Variants in CFTR observed in about 807,000 individuals in gnomAD.
The protein encoded by CFTR is cystic fibrosis transmembrane conductance regulator.
Under a neutral mutation model 171.6 loss-of-function variants are expected in CFTR, and 181 were observed. The ratio of observed to expected loss-of-function variants is 1.05; its 90% CI spans 0.93 to 1.19. The LOEUF is 1.19. CFTR is among the 50% of genes most tolerant of loss of function. CFTR has a pLI of 0.00. For missense variants in CFTR, 1,968 were observed against 1,734.7 expected (o/e 1.13, Z -2.39); for synonymous variants, 583 against 608.0 (o/e 0.96, Z 0.60).
intron 23 of CFTR, among the ~76,000 whole-genome samples, chr7:117,643,928 A>T (rs2116173266): frequency 6.6e-6 from 1 of 152,326 alleles, no homozygotes; most frequent in Non-Finnish European, 1.5e-5. Context: ...ACTATGTAGT[A>T]GAGAGGTTTT....
Position 117,551,495 on chromosome 7 carries a change from G to A in CFTR, c.1392+2672G>A, listed in dbSNP as rs907915033. Among the ~76,000 whole-genome samples, 7 of 152,032 alleles carry A rather than the reference G, an allele frequency of 4.6e-5. No individual in the cohort carries two copies. The East Asian group carries it at 7.7e-4, about 17-fold the overall frequency. On this transcript the variant is annotated intron_variant, in intron 10 of 26. Coordinates refer to ENST00000003084, the MANE Select transcript of CFTR (RefSeq NM_000492.4). Reference sequence around the variant, plus strand: ...GTTACTTTACTGATAAAGTAATAACGTTGTTGACTTTTGTCACTCTCCCCT... The same window carrying A: ...GTTACTTTACTGATAAAGTAATAACATTGTTGACTTTTGTCACTCTCCCCT...
intron 1 of CFTR, among the ~76,000 whole-genome samples, chr7:117,497,040 T>C (rs1406304646): frequency 6.6e-6 from 1 of 152,202 alleles, no homozygotes; most frequent in African/African-American, 2.4e-5. Context: ...CTGTTTGTGC[T>C]TCTGGTGTTG....
chr7:117,643,567 G>C lies in CFTR; in HGVS notation c.3873+974G>C, dbSNP rs558434378. ...CTGGTGCTTTTAATTTATTTGTCTA[G>C]ACTTTGTCATGTTGCCAGAAGCTTT... On this transcript the variant is annotated intron_variant, in intron 23 of 26. Coordinates refer to ENST00000003084, the MANE Select transcript of CFTR (RefSeq NM_000492.4). Among the ~76,000 whole-genome samples the C allele has an allele frequency of 2.6e-5, 4 of 152,176 alleles. No individual in the cohort carries two copies. The South Asian group carries it at 8.3e-4, about 32-fold the overall frequency.
intron 24 of CFTR, among the ~76,000 whole-genome samples, chr7:117,657,260 T>G (rs1304161609): frequency 2.0e-5 from 3 of 152,206 alleles, no homozygotes; most frequent in African/African-American, 7.2e-5. Flanking sequence ...ATGCAAAATT[T>G]TTACCTGTTT....
In CFTR at chr7:117,534,347, C is replaced by G; in HGVS notation, c.561C>G (p.Asn187Lys). Residue 187 changes from asparagine to lysine, a missense_variant, in exon 5 of 27, where the codon AAC becomes AAG. Asn to Lys is a moderately conservative substitution (Grantham distance 94). Coordinates refer to ENST00000003084, the MANE Select transcript of CFTR (RefSeq NM_000492.4). Reference sequence around the variant, plus strand: ...AACTTGTTAGTCTCCTTTCCAACAACCTGAACAAATTTGATGAAGTATGTA... The same window carrying G: ...AACTTGTTAGTCTCCTTTCCAACAAGCTGAACAAATTTGATGAAGTATGTA... ...IGQLVSLLSN[N>K]LNKFDEGLAL... 6.3e-7 allele frequency: 1 copy of G among 1,581,686 alleles called. No homozygotes were observed. Among genetic ancestry groups the G allele is most frequent in the South Asian group, 1.1e-5 (1 of 90,412 alleles).
At chr7:117,621,884 T>C (rs962212551) in intron 21 of CFTR, among the ~76,000 whole-genome samples, 1 of 152,214 alleles carries the variant, frequency 6.6e-6, no homozygotes, top group African/African-American at 2.4e-5. Context: ...AGTCTTCCTT[T>C]GCCCATTGAC....
chr7:117,504,488 T>C, intron 2 of CFTR, 125 bp downstream of exon 2: 1 of 650,840 alleles, frequency 1.5e-6, no homozygotes, highest in Non-Finnish European at 2.7e-6. Flanking sequence ...GTATGGTGGC[T>C]AATGCCTGTA....
At chr7:117,600,828 A>G (rs1431336109) in intron 15 of CFTR, among the ~76,000 whole-genome samples, 1 of 152,038 alleles carries the variant, frequency 6.6e-6, no homozygotes, top group Non-Finnish European at 1.5e-5. Flanking sequence ...TTATAACCTC[A>G]AAACATTTTG....
At chr7:117,556,808 C>G (rs999125368) in intron 10 of CFTR, among the ~76,000 whole-genome samples, 3 of 151,586 alleles carry the variant, frequency 2.0e-5, no homozygotes, top group African/African-American at 7.3e-5. Flanking sequence ...CGTGAGCCAC[C>G]GCGCCCGGCC....
At chr7:117,552,657 G>A (rs1227718659) in intron 10 of CFTR, among the ~76,000 whole-genome samples, 1 of 151,966 alleles carries the variant, frequency 6.6e-6, no homozygotes, top group African/African-American at 2.4e-5. Flanking sequence ...AACCAAGGTA[G>A]CCAATCCAGG....
intron 11 of CFTR, among the ~76,000 whole-genome samples, chr7:117,575,835 C>A (rs1791761841): frequency 6.6e-6 from 1 of 152,232 alleles, no homozygotes; most frequent in South Asian, 2.1e-4. Flanking sequence ...CTATTTGCAA[C>A]CTGCAGGTCC....
At chr7:117,520,038 C>A (rs1441027945) in intron 3 of CFTR, among the ~76,000 whole-genome samples, 1 of 151,732 alleles carries the variant, frequency 6.6e-6, no homozygotes. Flanking sequence ...TTTAAAAATG[C>A]CAAGTGAAAA....
chr7:117,612,234 T>TAC (rs112904263), intron 20 of CFTR, among the ~76,000 whole-genome samples: 4,245 of 140,882 alleles, frequency 0.03, 73 homozygotes, highest in Middle Eastern at 0.072. Context: ...CATCCGCATT[T>TAC]ACACACACAC....
At chr7:117,530,478 C>G (rs1211462772) in intron 3 of CFTR, among the ~76,000 whole-genome samples, 1 of 152,010 alleles carries the variant, frequency 6.6e-6, no homozygotes, top group Non-Finnish European at 1.5e-5. Flanking sequence ...AATAATAATG[C>G]CTACTCTGTA....
intron 24 of CFTR, among the ~76,000 whole-genome samples, chr7:117,664,086 TAC>T (rs1454931430): frequency 6.6e-6 from 1 of 152,192 alleles, no homozygotes; most frequent in Non-Finnish European, 1.5e-5. Context: ...ACCTATTTGT[TAC>T]AGTTAGTTTT....
In CFTR at chr7:117,548,650, G is replaced by T. The variant is rs766063304; in HGVS notation, c.1219G>T (p.Glu407Ter). Residue 407 changes from glutamate to a stop codon, truncating the protein, a stop_gained, in exon 10 of 27, where the codon GAA becomes TAA. Coordinates refer to ENST00000003084, the MANE Select transcript of CFTR (RefSeq NM_000492.4). LOFTEE classifies it high-confidence loss of function. ...VTAFWEEGFG[E>*]LFEKAKQNNN... ...TGTGTTTTTTTAACAGGGATTTGGG[G>T]AATTATTTGAGAAAGCAAAACAAAA... The T allele has an allele frequency of 6.2e-7, 1 of 1,612,566 alleles. No individual in the cohort carries two copies. The highest frequency in any genetic ancestry group is 1.1e-5 in the South Asian group (1 of 90,972).
rs2116060994 is a variant in CFTR at position 117,603,526 on chromosome 7, T to C, written c.2658-6T>C. On this transcript the variant is annotated splice_region_variant and splice_polypyrimidine_tract_variant and intron_variant, in intron 16 of 26. Coordinates refer to ENST00000003084, the MANE Select transcript of CFTR (RefSeq NM_000492.4). ...GCCAAATAACGATTTCCTATTTGCT[T>C]TACAGCACTCCTCTTCAAGACAAAG... 1.2e-6 allele frequency: 2 copies of C among 1,613,878 alleles called. No homozygotes were observed. Among genetic ancestry groups the C allele is most frequent in the African/African-American group, 2.7e-5 (2 of 75,046 alleles).
chr7:117,522,214 C>T (rs1467618755), intron 3 of CFTR, among the ~76,000 whole-genome samples: 1 of 152,160 alleles, frequency 6.6e-6, no homozygotes, highest in Admixed American at 6.5e-5. Flanking sequence ...GAGTAGAAAA[C>T]AGCCATAGTC....
chr7:117,553,194 A>G (rs570694976), intron 10 of CFTR, among the ~76,000 whole-genome samples: 18 of 151,734 alleles, frequency 1.2e-4, no homozygotes, highest in African/African-American at 4.4e-4. Flanking sequence ...CACACAGTTC[A>G]TGGTATTTTG....
Sources: allele counts gnomAD v4.1 joint callset (sites outside exome capture counted in the v4.1 genomes callset), GRCh38; gene constraint gnomAD v4.1.1; transcripts MANE v1.5; gene names NCBI Gene and HGNC (gene_info 2026-07-23, HGNC 2026-07-21).